Variants in C1orf167 observed in about 807,000 individuals in gnomAD.
C1orf167 encodes the protein uncharacterized protein C1orf167.
A neutral mutation model predicts 176.5 loss-of-function variants in C1orf167; 153 were observed. The observed-to-expected ratio is 0.87, with a 90% confidence interval of 0.76 to 0.99. The LOEUF (loss-of-function observed/expected upper bound fraction) is 0.99, where lower values mean the gene tolerates loss of function less well. C1orf167 is among the 50% of genes least tolerant of loss of function. C1orf167 has a pLI of 0.00. For missense variants in C1orf167, 1,490 were observed against 1,817.7 expected (o/e 0.82, Z 3.28); for synonymous variants, 594 against 752.7 (o/e 0.79, Z 3.45).
At chr1:11,765,768 T>C (rs890830654) in intron 2 of C1orf167, 89 bp from the exon 3 acceptor site, 77 of 1,127,354 alleles carry the variant, frequency 6.8e-5, no homozygotes, top group Non-Finnish European at 8.3e-5. Context: ...TGGGGCCCTG[T>C]CCCCTCCCTG....
intron 8 of C1orf167, among the ~76,000 whole-genome samples, chr1:11,773,221 G>A (rs1643164375): frequency 6.6e-6 from 1 of 151,808 alleles, no homozygotes; most frequent in Non-Finnish European, 1.5e-5. Context: ...CTCAAAAGTA[G>A]AGCAGATAGG....
chr1:11,783,443 C>T (rs915222290), intron 14 of C1orf167, among the ~76,000 whole-genome samples: 6 of 152,074 alleles, frequency 3.9e-5, no homozygotes, highest in African/African-American at 7.2e-5. Flanking sequence ...GACGGGGTTT[C>T]TCCATGTTGG....
At chr1:11,780,813 C>T (rs1296044766) in intron 13 of C1orf167, among the ~76,000 whole-genome samples, 1 of 151,746 alleles carries the variant, frequency 6.6e-6, no homozygotes, top group Non-Finnish European at 1.5e-5. Context: ...GAGGTTGAGG[C>T]GTGGGAAGGG....
chr1:11,766,869 T>G lies in C1orf167; in HGVS notation c.1083T>G (p.Ser361=). ...LGSGDSCSPW[S]QDGRAQRGDP... ...CAGGGGACAGCTGCTCCCCCTGGTC[T>G]CAAGATGGCAGGGCACAGAGGGGTG... is the stretch of plus-strand genomic sequence containing the variant. Residue 361 remains serine, a synonymous_variant, in exon 3 of 21, where the codon TCT becomes TCG. Transcript: ENST00000688073. The surrounding 1 kb of genome is among the most constrained non-coding windows in gnomAD (Gnocchi z 4.5). 1 of 1,274,490 alleles carries G rather than the reference T, an allele frequency of 7.8e-7. No individual in the cohort carries two copies. Among genetic ancestry groups the G allele is most frequent in the Non-Finnish European group, 1.0e-6 (1 of 979,936 alleles). The allele number at this position is 1,274,490 out of a possible 1,614,324, so 78.9% of individuals were successfully genotyped here. A position where few individuals can be genotyped will look rare whatever the true frequency, so the allele number is the denominator to read the frequency against.
intron 1 of C1orf167, among the ~76,000 whole-genome samples, chr1:11,763,591 A>G (rs1180500134): frequency 6.6e-6 from 1 of 152,202 alleles, no homozygotes; most frequent in Non-Finnish European, 1.5e-5. Flanking sequence ...CCCAGGCAGT[A>G]ATTTGCTAAC....
chr1:11,779,080 G>A lies in C1orf167; in HGVS notation c.2651G>A (p.Arg884His), dbSNP rs774988332. 257 of 1,239,338 alleles carry A rather than the reference G, an allele frequency of 2.1e-4. No individual in the cohort carries two copies. The highest frequency in any genetic ancestry group is 2.5e-4 in the Non-Finnish European group (238 of 959,804). The allele number at this position is 1,239,338 out of a possible 1,614,324, so 76.8% of individuals were successfully genotyped here. Residue 884 changes from arginine (R) to histidine (H), a missense_variant and splice_region_variant, in exon 12 of 21, where the codon CGC (arginine) becomes CAC (histidine). Physicochemically the swap from Arg to His is conservative, Grantham distance 29. Transcript: ENST00000688073. ...TGGTACCAGCATACCCGCCAGAGGC[G>A]GTAGGGATCCCTCCCCATCCGCCCG... is the stretch of plus-strand genomic sequence containing the variant. ...ARWYQHTRQR[R>H]IFLSWSRWAT... is the part of the protein sequence containing the mutation.
rs41275468 is a variant in C1orf167, at chr1:11,788,086, G to A, written c.3848+39G>A. Reference sequence around the variant, plus strand: ...TGTGTGCAGTTTGGTGGGTCCGAGGGATGGGGGCAAGGGCTGAGGGGCTTG... The same window carrying A: ...TGTGTGCAGTTTGGTGGGTCCGAGGAATGGGGGCAAGGGCTGAGGGGCTTG... On this transcript the variant is annotated intron_variant, in intron 18 of 20. Coordinates refer to ENST00000688073, the MANE Select transcript of C1orf167 (RefSeq NM_001010881.2). 3.9e-3 allele frequency: 5,043 copies of A among 1,280,862 alleles called. 10 individuals are homozygous for A. Among genetic ancestry groups the A allele is most frequent in the Non-Finnish European group, 4.8e-3 (4,689 of 972,754 alleles). The allele number at this position is 1,280,862 out of a possible 1,614,324, so 79.3% of individuals were successfully genotyped here.
Position 11,787,469 on chromosome 1 carries a change from C to G in C1orf167, c.3649C>G (p.Pro1217Ala). The G allele has an allele frequency of 1.5e-6, 2 of 1,303,222 alleles. No individual in the cohort carries two copies. Among genetic ancestry groups the G allele is most frequent in the South Asian group, 2.5e-5 (2 of 80,960 alleles). 80.7% of individuals were successfully genotyped at this position (1,303,222 alleles called of 1,614,324 possible). A position where few individuals can be genotyped will look rare whatever the true frequency, so the allele number is the denominator to read the frequency against. Residue 1217 changes from proline (P) to alanine (A), a missense_variant, in exon 17 of 21, where the codon CCA becomes GCA. Transcript: ENST00000688073. The stretch of plus-strand genomic sequence containing the variant: ...GTGCAGCCTGGGTGGACGGAGGAAG[C>G]CAAGGGGAACGGCCTGGGCTCAGAG... The part of the protein sequence containing the change: ...LQCSLGGRRK[P>A]RGTAWAQRCR...
intron 12 of C1orf167, 43 bp downstream of exon 12, chr1:11,779,123 T>C: frequency 8.3e-7 from 1 of 1,211,650 alleles, no homozygotes; most frequent in Middle Eastern, 3.3e-4. Context: ...ATGGACTTAC[T>C]GTTTCCCGGC....
rs773338832 is a variant in C1orf167 at position 11,779,908 on chromosome 1, C to T, written c.2758C>T (p.Arg920Cys). 5.4e-6 allele frequency: 7 copies of T among 1,302,878 alleles called. No individual in the cohort carries two copies. The highest frequency in any genetic ancestry group is 4.9e-5 in the South Asian group (4 of 80,932). The allele number at this position is 1,302,878 out of a possible 1,614,324, so 80.7% of individuals were successfully genotyped here. Residue 920 changes from arginine (R) to cysteine (C), a missense_variant, in exon 13 of 21, where the codon CGT becomes TGT. Physicochemically the swap from Arg to Cys is radical, Grantham distance 180 (BLOSUM62 -3). Transcript: ENST00000688073. Reference sequence around the variant, plus strand: ...CTGCAGGGCTGTGCTGGGCCTGTGGCGTCAGCGGCTGCTGCAGTCACGGCT... The same window carrying T: ...CTGCAGGGCTGTGCTGGGCCTGTGGTGTCAGCGGCTGCTGCAGTCACGGCT... ...RTCRAVLGLW[R>C]QRLLQSRLVE...
In C1orf167 at chr1:11,768,460, CT is replaced by C. The variant is rs1391928195; in HGVS notation, c.1542+186del. 5 of 463,628 alleles carry C rather than the reference CT, an allele frequency of 1.1e-5. No individual in the cohort carries two copies. The highest frequency in any genetic ancestry group is 1.7e-5 in the Non-Finnish European group (5 of 286,418). The allele number at this position is 463,628 out of a possible 1,614,324, so 28.7% of individuals were successfully genotyped here. On this transcript the variant is annotated intron_variant, in intron 5 of 20. Transcript: ENST00000688073. The surrounding 1 kb of genome is among the most constrained non-coding windows in gnomAD (Gnocchi z 4.5). ...TCTGCCTGAGTTCAAATCCTGCCCC[CT>C]CTACCACTTTCTAGCTGCGTGACCT...
At position 11,765,999 on chromosome 1, in the gene C1orf167, C is replaced by A; in HGVS notation, c.213C>A (p.Val71=). The change falls in exon 3 of 21, where the codon GTC becomes GTA. Residue 71 remains valine (V), a synonymous_variant. Coordinates refer to ENST00000688073, the MANE Select transcript of C1orf167 (RefSeq NM_001010881.2). ...GAVLDQEPCR[V]QTNLASPGPR... ...TGCTAGACCAGGAGCCCTGCCGAGT[C>A]CAGACCAACCTGGCCAGCCCTGGTC... The A allele has an allele frequency of 7.8e-7, 1 of 1,289,440 alleles. No individual in the cohort carries two copies. The highest frequency in any genetic ancestry group is 1.0e-6 in the Non-Finnish European group (1 of 988,646). The allele number at this position is 1,289,440 out of a possible 1,614,324, so 79.9% of individuals were successfully genotyped here.
Position 11,789,531 on chromosome 1 carries a change from A to C in C1orf167, c.*85A>C, listed in dbSNP as rs536268618. ...CCCCACACATCCAGGGAGTGATGACAGAGGGGACAGCTTGAAGAGCTCTGA... is the reference window on the plus strand; with the variant it reads ...CCCCACACATCCAGGGAGTGATGACCGAGGGGACAGCTTGAAGAGCTCTGA... On this transcript the variant is annotated 3_prime_UTR_variant, in exon 21 of 21. Transcript: ENST00000688073. 8.5e-7 allele frequency: 1 copy of C among 1,181,324 alleles called. No homozygotes were observed. The highest frequency in any genetic ancestry group is 1.6e-5 in the African/African-American group (1 of 62,818). 73.2% of individuals were successfully genotyped at this position (1,181,324 alleles called of 1,614,324 possible).
intron 15 of C1orf167, 112 bp downstream of exon 15, chr1:11,784,705 C>G: frequency 8.8e-7 from 1 of 1,132,532 alleles, no homozygotes; most frequent in Non-Finnish European, 1.1e-6. Flanking sequence ...GGCAAAGGCT[C>G]AAGAGGGTGG....
intron 9 of C1orf167, among the ~76,000 whole-genome samples, chr1:11,776,193 G>A (rs908744817): frequency 6.6e-6 from 1 of 152,218 alleles, no homozygotes; most frequent in Non-Finnish European, 1.5e-5. Context: ...GGAGGCTGAG[G>A]TTGCAGTGAG....
Position 11,767,523 on chromosome 1 carries a change from G to C in C1orf167, c.1343+259G>C, listed in dbSNP as rs369490982. Among the ~76,000 whole-genome samples, 20 of 152,064 alleles carry C rather than the reference G, an allele frequency of 1.3e-4. 1 individual carries two copies. The highest frequency in any genetic ancestry group is 9.7e-4 in the East Asian group (5 of 5,180). The stretch of plus-strand genomic sequence containing the variant: ...CTTCCAAGGCCACCCTGGGTTTTCG[G>C]CAAACAGGGCAATCTCTGGCTGGAT... On this transcript the variant is annotated intron_variant, in intron 4 of 20. Coordinates refer to ENST00000688073, the MANE Select transcript of C1orf167 (RefSeq NM_001010881.2).
chr1:11,789,422 G>A lies in C1orf167; in HGVS notation c.4326G>A (p.Glu1442=). ...RAPRGWGLGA[E]HGAQLQL is the part of the protein sequence containing the mutation. ...CGCGGGGTTGGGGGCTTGGGGCAGA[G>A]CATGGGGCCCAGCTGCAGCTGTGAC... Residue 1442 remains glutamate (E), a synonymous_variant, in exon 21 of 21, where the codon GAG becomes GAA. Transcript: ENST00000688073. 7.7e-7 allele frequency: 1 copy of A among 1,303,940 alleles called. No individual in the cohort carries two copies. The highest frequency in any genetic ancestry group is 1.2e-5 in the South Asian group (1 of 81,002). 80.8% of individuals were successfully genotyped at this position (1,303,940 alleles called of 1,614,324 possible).
chr1:11,773,276 G>T (rs1448285949), intron 8 of C1orf167, among the ~76,000 whole-genome samples: 3 of 152,116 alleles, frequency 2.0e-5, no homozygotes, highest in African/African-American at 7.2e-5. Flanking sequence ...AACAAAATCA[G>T]CCTCTCTTGA....
chr1:11,770,715 A>G (rs553268524), intron 6 of C1orf167, among the ~76,000 whole-genome samples: 2 of 150,218 alleles, frequency 1.3e-5, no homozygotes, highest in African/African-American at 4.9e-5. Flanking sequence ...GCCTGCCTCA[A>G]CCTACCACAG....
Sources: allele counts gnomAD v4.1 joint callset (sites outside exome capture counted in the v4.1 genomes callset), GRCh38; gene constraint gnomAD v4.1.1; non-coding constraint Gnocchi (gnomAD v3.1); transcripts MANE v1.5; gene names NCBI Gene and HGNC (gene_info 2026-07-23, HGNC 2026-07-21).